FOXP2: variants seen among roughly 807,000 people sequenced by gnomAD.
FOXP2 encodes the protein forkhead box P2.
Under a neutral mutation model 115.8 loss-of-function variants are expected in FOXP2, and 12 were observed. The ratio of observed to expected loss-of-function variants is 0.10; its 90% CI spans 0.07 to 0.17. The LOEUF (loss-of-function observed/expected upper bound fraction) is 0.17, where lower values mean the gene tolerates loss of function less well. Ranked by LOEUF, FOXP2 falls within the 10% of genes least tolerant of loss-of-function variation. The pLI, the probability that FOXP2 is intolerant of heterozygous loss-of-function variation, is 1.00. For missense variants in FOXP2, 629 were observed against 843.5 expected (o/e 0.75, Z 3.15); for synonymous variants, 328 against 297.7 (o/e 1.10, Z -1.05).
At chr7:114,132,093 C>T (rs933907516) in intron 1 of FOXP2, among the ~76,000 whole-genome samples, 1 of 152,076 alleles carries the variant, frequency 6.6e-6, no homozygotes, top group African/African-American at 2.4e-5. Context: ...TTACCATGGG[C>T]AAAACTCATC....
chr7:114,424,276 G>T (rs1793741652), intron 1 of FOXP2, among the ~76,000 whole-genome samples: 1 of 151,212 alleles, frequency 6.6e-6, no homozygotes, highest in Non-Finnish European at 1.5e-5. Context: ...ACTACACAAA[G>T]GTTAGTAGTA....
At chr7:114,211,131 C>A (rs7783140) in intron 1 of FOXP2, among the ~76,000 whole-genome samples, 1 of 152,070 alleles carries the variant, frequency 6.6e-6, no homozygotes, top group Admixed American at 6.5e-5. Flanking sequence ...TCTTAACTTA[C>A]GAGGTGCCGT....
intron 3 of FOXP2, among the ~76,000 whole-genome samples, chr7:114,581,807 G>C (rs936359303): frequency 5.3e-5 from 8 of 152,296 alleles, no homozygotes; most frequent in African/African-American, 1.7e-4. Flanking sequence ...CACTGGAAGA[G>C]ATTTGTTTTA....
chr7:114,463,008 A>G (rs1366308441), intron 2 of FOXP2: 4 of 408,926 alleles, frequency 9.8e-6, no homozygotes, highest in East Asian at 8.0e-5. Context: ...CAGTATATGC[A>G]TTGTTGTATT....
chr7:114,636,860 A>G (rs1432966392), intron 6 of FOXP2, among the ~76,000 whole-genome samples: 1 of 152,102 alleles, frequency 6.6e-6, no homozygotes, highest in Non-Finnish European at 1.5e-5. Context: ...TACTCCACAA[A>G]CTCTGAATAT....
At chr7:114,199,099 C>G (rs1185314254) in intron 1 of FOXP2, among the ~76,000 whole-genome samples, 1 of 152,144 alleles carries the variant, frequency 6.6e-6, no homozygotes, top group African/African-American at 2.4e-5. Context: ...CTCACTCAGC[C>G]TCAAATTCCT....
chr7:114,692,098 G>C lies in FOXP2; in HGVS notation c.*2172G>C, dbSNP rs760066478. On this transcript the variant is annotated 3_prime_UTR_variant, in exon 17 of 17. Transcript: ENST00000350908. Reference sequence around the variant, plus strand: ...TGGTATTAAAAGAAAGATGGGTATGGTGAAAGATGGTTTTCAGTCATCTAG... The same window carrying C: ...TGGTATTAAAAGAAAGATGGGTATGCTGAAAGATGGTTTTCAGTCATCTAG... 6.2e-5 allele frequency: 28 copies of C among 453,988 alleles called. No homozygotes were observed. Among genetic ancestry groups the C allele is most frequent in the South Asian group, 4.3e-4 (28 of 64,462 alleles). 28.1% of individuals were successfully genotyped at this position (453,988 alleles called of 1,614,324 possible).
chr7:114,495,477 C>T (rs1584807592), intron 2 of FOXP2, among the ~76,000 whole-genome samples: 1 of 95,466 alleles, frequency 1.0e-5, no homozygotes, highest in African/African-American at 4.0e-5. Context: ...TTTTCTTTCT[C>T]TCTCTCTTTT....
intron 16 of FOXP2, among the ~76,000 whole-genome samples, chr7:114,684,610 T>C: frequency 6.6e-6 from 1 of 152,230 alleles, no homozygotes; most frequent in East Asian, 1.9e-4. Flanking sequence ...GGTGCTATTA[T>C]ATTAACCTTA....
At chr7:114,302,476 A>G (rs1311111375) in intron 2 of FOXP2, among the ~76,000 whole-genome samples, 2 of 152,192 alleles carry the variant, frequency 1.3e-5, no homozygotes, top group Non-Finnish European at 2.9e-5. Context: ...AGGTAATACT[A>G]TCATTTATTC....
chr7:114,669,818 T>A (rs1007289431), intron 16 of FOXP2: 2 of 152,056 alleles, frequency 1.3e-5, no homozygotes, highest in African/African-American at 4.8e-5. Context: ...ACCCACCATG[T>A]TTAGTTCTAC....
At chr7:114,207,626 T>C (rs1794233512) in intron 1 of FOXP2, among the ~76,000 whole-genome samples, 1 of 152,224 alleles carries the variant, frequency 6.6e-6, no homozygotes, top group South Asian at 2.1e-4. Context: ...TGTAAACACA[T>C]ATTAATTAAC....
At chr7:114,456,498 G>T (rs1795317582) in intron 2 of FOXP2, among the ~76,000 whole-genome samples, 1 of 152,132 alleles carries the variant, frequency 6.6e-6, no homozygotes, top group African/African-American at 2.4e-5. Context: ...AATAGTATTT[G>T]TCCCCAAGAA....
intron 2 of FOXP2, among the ~76,000 whole-genome samples, chr7:114,341,542 A>G (rs989958336): frequency 2.6e-5 from 4 of 151,414 alleles, no homozygotes; most frequent in African/African-American, 4.8e-5. Context: ...ATGAACATCA[A>G]ATGTGTTTAA....
rs748597582 is a variant in FOXP2 at position 114,644,775 on chromosome 7, T to C, written c.1080T>C (p.Phe360=). The part of the protein sequence containing the change: ...WPGCESICED[F]GQFLKHLNNE... Reference sequence around the variant, plus strand: ...GCTGTGAAAGCATTTGTGAAGATTTTGGACAGTTTTTAAAGTAGGTTTTTT... The same window carrying C: ...GCTGTGAAAGCATTTGTGAAGATTTCGGACAGTTTTTAAAGTAGGTTTTTT... The change falls in exon 8 of 17, where the codon TTT becomes TTC. Residue 360 remains phenylalanine, a synonymous_variant. Coordinates refer to ENST00000350908, the MANE Select transcript of FOXP2 (RefSeq NM_014491.4). 6.2e-7 allele frequency: 1 copy of C among 1,613,738 alleles called. No homozygotes were observed. Among genetic ancestry groups the C allele is most frequent in the Non-Finnish European group, 8.5e-7 (1 of 1,179,886 alleles).
chr7:114,635,738 C>CT lies in FOXP2; in HGVS notation c.775+4040dup, dbSNP rs528805588. On this transcript the variant is annotated intron_variant, in intron 6 of 16. Transcript: ENST00000350908. The stretch of plus-strand genomic sequence containing the variant: ...ATTTAATTCCATTTATCTCTTAAGT[C>CT]TTTTTTTAAAGTTTTATTTGGCAAT... 2.4e-3 allele frequency among the ~76,000 whole-genome samples: 363 copies of CT among 151,942 alleles called. 1 individual carries two copies. The highest frequency in any genetic ancestry group is 8.0e-3 in the African/African-American group (331 of 41,458).
intron 2 of FOXP2, among the ~76,000 whole-genome samples, chr7:114,489,732 A>C (rs1256782459): frequency 1.3e-5 from 2 of 152,138 alleles, no homozygotes; most frequent in Admixed American, 6.6e-5. Flanking sequence ...AAAGTTGAAA[A>C]GTGTATTTAC....
chr7:114,430,845 A>T (rs1489237426), intron 2 of FOXP2, among the ~76,000 whole-genome samples: 1 of 151,866 alleles, frequency 6.6e-6, no homozygotes, highest in Non-Finnish European at 1.5e-5. Flanking sequence ...CATCTACCAA[A>T]ATACTAGGTG....
intron 2 of FOXP2, among the ~76,000 whole-genome samples, chr7:114,466,886 G>A (rs1327019181): frequency 1.3e-5 from 2 of 152,178 alleles, no homozygotes; most frequent in Non-Finnish European, 2.9e-5. Flanking sequence ...AATAGAGCAA[G>A]GACACTTTTC....
Sources: gnomAD v4.1 joint callset for allele counts (sites outside exome capture counted in the v4.1 genomes callset) on GRCh38, gnomAD v4.1.1 for gene constraint, MANE v1.5 for transcripts, NCBI Gene and HGNC (gene_info 2026-07-23, HGNC 2026-07-21) for gene names.